DOK6: variants seen among roughly 807,000 people sequenced by gnomAD.
DOK6 encodes downstream of tyrosine kinase 6.
In DOK6, 22 loss-of-function variants were observed where a neutral mutation model predicts 44.0. The observed-to-expected ratio is 0.50, with a 90% CI of 0.36 to 0.71. The LOEUF (loss-of-function observed/expected upper bound fraction) is 0.71. DOK6 is among the 30% of genes least tolerant of loss of function. The probability of loss-of-function intolerance (pLI) is 0.00; values close to 1 mark genes in which losing one functional copy is unlikely to be tolerated. For missense variants in DOK6, 340 were observed against 416.4 expected, an observed-to-expected ratio of 0.82 and a Z score of 1.60; for synonymous variants, 166 against 145.5, an observed-to-expected ratio of 1.14 and a Z score of -1.01.
At chr18:69,590,355 G>A (rs1983595662) in intron 2 of DOK6, among the ~76,000 whole-genome samples, 1 of 152,130 alleles carries the variant, frequency 6.6e-6, no homozygotes, top group African/African-American at 2.4e-5. Context: ...TATGAACTCT[G>A]TATGAGTCAC....
At chr18:69,488,194 T>G (rs560161986) in intron 1 of DOK6, among the ~76,000 whole-genome samples, 1 of 152,250 alleles carries the variant, frequency 6.6e-6, no homozygotes. Context: ...TGTCTCTTCT[T>G]AGAAGGGCAC....
At chr18:69,487,813 G>C (rs1433571642) in intron 1 of DOK6, among the ~76,000 whole-genome samples, 2 of 152,114 alleles carry the variant, frequency 1.3e-5, no homozygotes, top group African/African-American at 4.8e-5. Flanking sequence ...GGAGCATCTT[G>C]CTTTCGCTTT....
At chr18:69,602,410 C>T (rs532188371) in intron 3 of DOK6, among the ~76,000 whole-genome samples, 1 of 152,318 alleles carries the variant, frequency 6.6e-6, no homozygotes, top group South Asian at 2.1e-4. Context: ...TTCCTCAAAA[C>T]TTTCAAGGTC....
intron 6 of DOK6, among the ~76,000 whole-genome samples, chr18:69,741,060 C>T (rs969776357): frequency 6.6e-6 from 1 of 152,152 alleles, no homozygotes; most frequent in African/African-American, 2.4e-5. Context: ...TGGATCCAGT[C>T]AATGTAACCA....
chr18:69,496,695 G>A (rs1399141332), intron 1 of DOK6, among the ~76,000 whole-genome samples: 2 of 152,110 alleles, frequency 1.3e-5, no homozygotes, highest in Non-Finnish European at 2.9e-5. Context: ...TGGGTAGGGT[G>A]ATTTTTTTCA....
chr18:69,419,468 T>C (rs1461783787), intron 1 of DOK6, among the ~76,000 whole-genome samples: 1 of 152,160 alleles, frequency 6.6e-6, no homozygotes, highest in Non-Finnish European at 1.5e-5. Context: ...TAAAATTACT[T>C]TTCAAAAGAA....
At chr18:69,727,293 CA>C (rs1568107151) in intron 5 of DOK6, among the ~76,000 whole-genome samples, 2 of 152,178 alleles carry the variant, frequency 1.3e-5, no homozygotes, top group African/African-American at 4.8e-5. Context: ...TGGGGGAACA[CA>C]AACATTCAGA....
At chr18:69,581,039 T>C (rs1983357096) in intron 2 of DOK6, among the ~76,000 whole-genome samples, 1 of 152,234 alleles carries the variant, frequency 6.6e-6, no homozygotes, top group Non-Finnish European at 1.5e-5. Context: ...TCTTAATTTC[T>C]TGTTTATGGC....
intron 3 of DOK6, among the ~76,000 whole-genome samples, chr18:69,649,265 G>A (rs1985160503): frequency 6.6e-6 from 1 of 152,138 alleles, no homozygotes; most frequent in Non-Finnish European, 1.5e-5. Context: ...TTACAATAAA[G>A]CTTTTCTCAA....
chr18:69,757,931 A>G, intron 7 of DOK6, 58 bp downstream of exon 7: 17 of 1,433,846 alleles, frequency 1.2e-5, no homozygotes, highest in Non-Finnish European at 1.7e-5. Flanking sequence ...AGGTGGACTG[A>G]GTCATGCAAA....
At chr18:69,824,355 A>T (rs76268830) in intron 7 of DOK6, among the ~76,000 whole-genome samples, 3,212 of 151,028 alleles carry the variant, frequency 0.021, 108 homozygotes, top group African/African-American at 0.07. Context: ...AAAAAAAAAA[A>T]TTTTTTGAGA....
chr18:69,637,648 C>T (rs1429382891), intron 3 of DOK6, among the ~76,000 whole-genome samples: 3 of 152,062 alleles, frequency 2.0e-5, no homozygotes, highest in Non-Finnish European at 4.4e-5. Flanking sequence ...CATTTTATCA[C>T]CAAAAACCAT....
In DOK6 at chr18:69,846,293, A is replaced by G. The variant is rs1256221725; in HGVS notation, c.*4910A>G. The G allele has an allele frequency of 6.6e-6, 1 of 152,214 alleles. No homozygotes were observed. Among genetic ancestry groups the G allele is most frequent in the African/African-American group, 2.4e-5 (1 of 41,458 alleles). The allele number at this position is 152,214 out of a possible 1,614,324, so 9.4% of individuals were successfully genotyped here. A position where few individuals can be genotyped will look rare whatever the true frequency, so the allele number is the denominator to read the frequency against. ...GAAAACTGAAACCCATGGATGCTGT[A>G]ATTTGTTTAACGGCAAAGAAAGAGC... On this transcript the variant is annotated 3_prime_UTR_variant, in exon 8 of 8. Transcript: ENST00000382713.
At chr18:69,795,603 G>A (rs1233904428) in intron 7 of DOK6, among the ~76,000 whole-genome samples, 1 of 152,056 alleles carries the variant, frequency 6.6e-6, no homozygotes, top group African/African-American at 2.4e-5. Flanking sequence ...GTTCTCTGAC[G>A]CCTGTATTCA....
rs869202861 is a variant in DOK6, at chr18:69,712,280, C to CAAAAAAAAAAAAA, written c.599+13721_599+13733dup. Among the ~76,000 whole-genome samples, 2 of 22,674 alleles carry CAAAAAAAAAAAAA rather than the reference C, an allele frequency of 8.8e-5. 1 individual carries two copies. Among genetic ancestry groups the CAAAAAAAAAAAAA allele is most frequent in the Non-Finnish European group, 1.5e-4 (2 of 13,302 alleles). The allele number at this position is 22,674 out of a possible 152,430, so 14.9% of individuals were successfully genotyped here. The stretch of plus-strand genomic sequence containing the variant: ...TGGGCGACAGAGCGAGACTCCGTCT[C>CAAAAAAAAAAAAA]AAAAAAAAAAAAAAAAAAAAAAAAA... On this transcript the variant is annotated intron_variant, in intron 5 of 7. Coordinates refer to ENST00000382713, the MANE Select transcript of DOK6 (RefSeq NM_152721.6).
intron 7 of DOK6, among the ~76,000 whole-genome samples, chr18:69,792,950 T>C (rs1293464081): frequency 6.6e-6 from 1 of 152,114 alleles, no homozygotes; most frequent in Non-Finnish European, 1.5e-5. Flanking sequence ...AAGACTGACA[T>C]TGAAAATGAA....
chr18:69,522,093 G>A (rs1052467981), intron 1 of DOK6, among the ~76,000 whole-genome samples: 3 of 151,838 alleles, frequency 2.0e-5, no homozygotes, highest in Non-Finnish European at 4.4e-5. Flanking sequence ...TACACACTTA[G>A]GGGAAGACAA....
chr18:69,679,203 G>T (rs540481756), intron 4 of DOK6, among the ~76,000 whole-genome samples: 67 of 152,158 alleles, frequency 4.4e-4, no homozygotes, highest in Non-Finnish European at 7.8e-4. Context: ...AGCAATTCTT[G>T]AATTATCTGT....
intron 5 of DOK6, among the ~76,000 whole-genome samples, chr18:69,716,692 CAAAAAAA>C (rs11351701): frequency 9.5e-6 from 1 of 104,776 alleles, no homozygotes; most frequent in African/African-American, 3.6e-5. Flanking sequence ...GCAGAATTGA[CAAAAAAA>C]AAAAAAAAAA....
Sources: gnomAD v4.1 joint callset for allele counts (sites outside exome capture counted in the v4.1 genomes callset) on GRCh38, gnomAD v4.1.1 for gene constraint, MANE v1.5 for transcripts, NCBI Gene and HGNC (gene_info 2026-07-23, HGNC 2026-07-21) for gene names.